Variants in CUX1 observed in about 807,000 individuals in gnomAD.
The protein encoded by CUX1 is protein CASP.
Under a neutral mutation model 158.8 loss-of-function variants are expected in CUX1, and 31 were observed. That is an observed-to-expected ratio of 0.20 (90% CI 0.15 to 0.26). The LOEUF (loss-of-function observed/expected upper bound fraction) is 0.26, where lower values mean the gene tolerates loss of function less well. CUX1 is among the 10% of genes least tolerant of loss of function. The pLI is 1.00. For missense variants in CUX1, 1,589 were observed against 2,014.6 expected, an observed-to-expected ratio of 0.79 and a Z score of 4.04; for synonymous variants, 879 against 862.1, an observed-to-expected ratio of 1.02 and a Z score of -0.34.
chr7:101,922,768 G>C (rs1805103258), intron 2 of CUX1, among the ~76,000 whole-genome samples: 1 of 152,226 alleles, frequency 6.6e-6, no homozygotes, highest in African/African-American at 2.4e-5. Context: ...GGGTGCTGGG[G>C]AGTGGGAGAT....
rs1554540506 is a variant in CUX1 at position 102,252,493 on chromosome 7, A to G, written c.*3451A>G. 4.1e-6 allele frequency: 4 copies of G among 985,360 alleles called. No individual in the cohort carries two copies. In the African/African-American group the frequency reaches 7.0e-5, roughly 17 times the overall value. 61.0% of individuals were successfully genotyped at this position (985,360 alleles called of 1,614,324 possible). Reference sequence around the variant, plus strand: ...CTAACACTTAATTACAAGCTCCATTATGCCATTTTAAATGGCTTCTTTTTG... The same window carrying G: ...CTAACACTTAATTACAAGCTCCATTGTGCCATTTTAAATGGCTTCTTTTTG... On this transcript the variant is annotated 3_prime_UTR_variant, in exon 24 of 24. Coordinates refer to ENST00000292535, the MANE Select transcript of CUX1 (RefSeq NM_181552.4).
chr7:102,016,033 T>G (rs2129307178), intron 2 of CUX1, among the ~76,000 whole-genome samples: 1 of 152,028 alleles, frequency 6.6e-6, no homozygotes, highest in African/African-American at 2.4e-5. Flanking sequence ...CGGGGTGGTC[T>G]CGACCTCCTA....
chr7:102,057,829 T>C (rs1438456179), intron 3 of CUX1, among the ~76,000 whole-genome samples: 1 of 152,198 alleles, frequency 6.6e-6, no homozygotes, highest in African/African-American at 2.4e-5. Context: ...ACTGAGTTGA[T>C]AAAGCAGTGA....
chr7:101,974,797 TG>T (rs1812439275), intron 2 of CUX1, among the ~76,000 whole-genome samples: 1 of 152,146 alleles, frequency 6.6e-6, no homozygotes, highest in Non-Finnish European at 1.5e-5. Context: ...GTGCGTTGTA[TG>T]TATAATAAAC....
intron 2 of CUX1, among the ~76,000 whole-genome samples, chr7:102,015,258 C>T (rs1048030174): frequency 6.6e-6 from 1 of 152,136 alleles, no homozygotes; most frequent in African/African-American, 2.4e-5. Flanking sequence ...GATGGAGTCT[C>T]ACTCTGTCAC....
chr7:102,200,144 C>T lies in CUX1; in HGVS notation c.2034C>T (p.Ala678=). The T allele has an allele frequency of 6.2e-7, 1 of 1,612,058 alleles. No individual in the cohort carries two copies. The highest frequency in any genetic ancestry group is 1.1e-5 in the South Asian group (1 of 90,592). The change falls in exon 17 of 24, where the codon GCC becomes GCT. Residue 678 remains alanine, a synonymous_variant. Transcript: ENST00000292535. ...DEAIKSILEQ[A]KRELQVQKTA... is the part of the protein sequence containing the mutation. ...CCATCAAGTCCATCCTAGAGCAAGC[C>T]AAGAGGGAGCTCCAAGTGCAGAAAA...
At position 101,873,374 on chromosome 7, in the gene CUX1, G is replaced by A. The variant is rs1437352328; in HGVS notation, c.31-42741G>A. 5.8e-5 allele frequency among the ~76,000 whole-genome samples: 7 copies of A among 121,246 alleles called. No individual in the cohort carries two copies. In the South Asian group the frequency reaches 7.6e-4, roughly 13 times the overall value. 79.5% of individuals were successfully genotyped at this position (121,246 alleles called of 152,430 possible). On this transcript the variant is annotated intron_variant, in intron 1 of 23. Coordinates refer to ENST00000292535, the MANE Select transcript of CUX1 (RefSeq NM_181552.4). The stretch of plus-strand genomic sequence containing the variant: ...TATGTTTTATTTTATTTTTTATAGA[G>A]ACAGGGCCTCACTATGTTGCCCAGG...
chr7:102,208,646 CTG>C (rs1554522339), intron 20 of CUX1, among the ~76,000 whole-genome samples: 1 of 152,206 alleles, frequency 6.6e-6, no homozygotes. Flanking sequence ...GACTGTGTCT[CTG>C]TGGAAGCTTC....
At chr7:101,906,519 G>A (rs944748564) in intron 1 of CUX1, among the ~76,000 whole-genome samples, 1 of 151,994 alleles carries the variant, frequency 6.6e-6, no homozygotes, top group Non-Finnish European at 1.5e-5. Context: ...GGAGCCCTGG[G>A]TGGTCTTATC....
chr7:102,250,327 A>G lies in CUX1; in HGVS notation c.*1285A>G. ...GGGCCAGACGGGCCCATCCCCAAGT[A>G]GATAGCAGTCTACGGATCTCTCTCT... On this transcript the variant is annotated 3_prime_UTR_variant, in exon 24 of 24. Transcript: ENST00000292535. The G allele has an allele frequency of 2.0e-6, 2 of 985,504 alleles. No individual in the cohort carries two copies. The highest frequency in any genetic ancestry group is 9.4e-5 in the South Asian group (2 of 21,288). The allele number at this position is 985,504 out of a possible 1,614,324, so 61.0% of individuals were successfully genotyped here.
At chr7:102,017,650 A>G (rs1585291193) in intron 2 of CUX1, among the ~76,000 whole-genome samples, 1 of 152,260 alleles carries the variant, frequency 6.6e-6, no homozygotes, top group East Asian at 1.9e-4. Flanking sequence ...GTTTCAGATC[A>G]GCCTGGCCAA....
intron 1 of CUX1, among the ~76,000 whole-genome samples, chr7:101,822,079 C>A (rs886090601): frequency 6.6e-6 from 1 of 152,060 alleles, no homozygotes; most frequent in African/African-American, 2.4e-5. Flanking sequence ...TGGTCTCGAT[C>A]TCCTGACCTC....
Position 101,916,389 on chromosome 7 carries a change from A to G in CUX1, c.141+164A>G. On this transcript the variant is annotated intron_variant, in intron 2 of 23. Transcript: ENST00000292535. This position sits in a 1 kb window ranked among gnomAD's most constrained non-coding sequence, Gnocchi z 4.4. ...TTCAGCCCCATTTCCAGCAGAACGC[A>G]TGCCATCCTGCAGGCTGTGGGGATG... The G allele has an allele frequency of 1.8e-6, 1 of 549,756 alleles. No homozygotes were observed. Among genetic ancestry groups the G allele is most frequent in the Non-Finnish European group, 3.4e-6 (1 of 296,062 alleles). 34.1% of individuals were successfully genotyped at this position (549,756 alleles called of 1,614,324 possible).
chr7:102,244,903 G>A (rs782459713), intron 23 of CUX1, among the ~76,000 whole-genome samples: 1 of 152,124 alleles, frequency 6.6e-6, no homozygotes, highest in Non-Finnish European at 1.5e-5. Flanking sequence ...ATCTTTCTAG[G>A]CCAGAAGACA....
At chr7:101,849,762 T>C (rs1796075224) in intron 1 of CUX1, among the ~76,000 whole-genome samples, 1 of 152,122 alleles carries the variant, frequency 6.6e-6, no homozygotes, top group Non-Finnish European at 1.5e-5. Context: ...TCACACTGTC[T>C]TCTATAATGG....
intron 9 of CUX1, among the ~76,000 whole-genome samples, chr7:102,168,902 TC>T (rs1554509573): frequency 1.6e-5 from 2 of 123,368 alleles, no homozygotes; most frequent in South Asian, 2.4e-4. Flanking sequence ...TCTTTTCTTT[TC>T]TTTTCTTTTA....
At chr7:102,223,891 C>T (rs1406397446) in intron 20 of CUX1, among the ~76,000 whole-genome samples, 1 of 152,114 alleles carries the variant, frequency 6.6e-6, no homozygotes, top group Non-Finnish European at 1.5e-5. Flanking sequence ...ATCGTTTGAA[C>T]CCGGGAGGCG....
Position 102,206,336 on chromosome 7 carries a change from T to C in CUX1, c.3130+1166T>C, listed in dbSNP as rs1429523736. On this transcript the variant is annotated intron_variant, in intron 20 of 23. Transcript: ENST00000292535. Reference sequence around the variant, plus strand: ...GACATCTAGGTGGAGCGGGTGCCCATTGGAAGAAGGGATCACTCATTCTGG... The same window carrying C: ...GACATCTAGGTGGAGCGGGTGCCCACTGGAAGAAGGGATCACTCATTCTGG... 7.2e-5 allele frequency among the ~76,000 whole-genome samples: 11 copies of C among 152,208 alleles called. No individual in the cohort carries two copies. In the South Asian group the frequency reaches 1.0e-3, roughly 14 times the overall value.
chr7:102,211,902 G>A (rs1431514152), intron 20 of CUX1, among the ~76,000 whole-genome samples: 1 of 152,082 alleles, frequency 6.6e-6, no homozygotes, highest in East Asian at 1.9e-4. Context: ...GGAGCAGCAC[G>A]GGAAGTCCCG....
Sources: allele counts gnomAD v4.1 joint callset (sites outside exome capture counted in the v4.1 genomes callset), GRCh38; gene constraint gnomAD v4.1.1; non-coding constraint Gnocchi (gnomAD v3.1); transcripts MANE v1.5; gene names NCBI Gene and HGNC (gene_info 2026-07-23, HGNC 2026-07-21).